The following GRIK2 variants were observed in gnomAD, a reference collection of about 807,000 sequenced individuals.
GRIK2 encodes the protein glutamate receptor ionotropic, kainate 2.
GRIK2 carries 32 observed loss-of-function variants against 100.3 expected under a neutral mutation model. The ratio of observed to expected loss-of-function variants is 0.32; its 90% CI spans 0.24 to 0.43. GRIK2 has a LOEUF of 0.43. GRIK2 is among the 20% of genes least tolerant of loss of function. The pLI, the probability that GRIK2 is intolerant of heterozygous loss-of-function variation, is 1.00. For synonymous variants in GRIK2, 417 were observed against 389.4 expected, an observed-to-expected ratio of 1.07 and a Z score of -0.83; for missense variants, 843 against 1,114.9, an observed-to-expected ratio of 0.76 and a Z score of 3.47.
chr6:101,925,911 AACT>A (rs1789857386), intron 13 of GRIK2, among the ~76,000 whole-genome samples: 1 of 152,006 alleles, frequency 6.6e-6, no homozygotes, highest in South Asian at 2.1e-4. Flanking sequence ...GAAAATACAT[AACT>A]ACATGTCAAA....
intron 7 of GRIK2, among the ~76,000 whole-genome samples, chr6:101,775,086 T>G (rs1490487225): frequency 6.6e-6 from 1 of 152,074 alleles, no homozygotes; most frequent in African/African-American, 2.4e-5. Flanking sequence ...TTTGAAAGAA[T>G]GAAAGCCCGT....
At chr6:101,964,178 T>A (rs972803027) in intron 14 of GRIK2, among the ~76,000 whole-genome samples, 1 of 150,836 alleles carries the variant, frequency 6.6e-6, no homozygotes, top group Admixed American at 6.6e-5. Context: ...ATACATACTA[T>A]ATCATTACAC....
At chr6:101,469,919 C>A (rs962921093) in intron 2 of GRIK2, among the ~76,000 whole-genome samples, 15 of 152,100 alleles carry the variant, frequency 9.9e-5, no homozygotes, top group African/African-American at 3.4e-4. Flanking sequence ...GAGGTGAGGG[C>A]AGGAGCCCTC....
At chr6:101,550,536 G>A (rs766796819) in intron 2 of GRIK2, among the ~76,000 whole-genome samples, 4 of 152,172 alleles carry the variant, frequency 2.6e-5, no homozygotes, top group Non-Finnish European at 5.9e-5. Context: ...TAATGTCATT[G>A]AGTAGGTCCT....
chr6:101,794,787 C>T (rs1780173351), intron 7 of GRIK2, among the ~76,000 whole-genome samples: 1 of 151,568 alleles, frequency 6.6e-6, no homozygotes, highest in South Asian at 2.1e-4. Context: ...TGTCATACTT[C>T]CTGGATTTTT....
chr6:101,507,083 C>A (rs1451322706), intron 2 of GRIK2, among the ~76,000 whole-genome samples: 1 of 152,014 alleles, frequency 6.6e-6, no homozygotes, highest in Non-Finnish European at 1.5e-5. Context: ...GTTTCCTTTT[C>A]CATGGACTTT....
At chr6:101,760,123 C>T (rs762799507) in intron 7 of GRIK2, among the ~76,000 whole-genome samples, 22 of 145,480 alleles carry the variant, frequency 1.5e-4, no homozygotes, top group African/African-American at 5.9e-4. Flanking sequence ...CCCGCCTCGG[C>T]CTCCCAAAGT....
chr6:101,917,704 T>C (rs1789210173), intron 12 of GRIK2, among the ~76,000 whole-genome samples: 3 of 151,522 alleles, frequency 2.0e-5, no homozygotes, highest in Admixed American at 6.6e-5. Context: ...CAAATAGTAA[T>C]CATCCTTCAA....
chr6:101,831,391 G>A (rs1312976313), intron 10 of GRIK2, among the ~76,000 whole-genome samples: 1 of 151,886 alleles, frequency 6.6e-6, no homozygotes, highest in Non-Finnish European at 1.5e-5. Flanking sequence ...GTTCTTCCTG[G>A]TATTCTCACT....
intron 15 of GRIK2, among the ~76,000 whole-genome samples, chr6:102,045,368 A>G (rs1175794241): frequency 1.3e-5 from 2 of 152,074 alleles, no homozygotes; most frequent in African/African-American, 4.8e-5. Flanking sequence ...CCTTTTTCTT[A>G]CTTCTCTCTC....
intron 2 of GRIK2, among the ~76,000 whole-genome samples, chr6:101,543,803 A>G (rs973780107): frequency 2.0e-5 from 3 of 152,216 alleles, no homozygotes; most frequent in African/African-American, 7.2e-5. Context: ...CCCAAAGCCA[A>G]TGCTACATAC....
intron 14 of GRIK2, among the ~76,000 whole-genome samples, chr6:102,004,509 G>A (rs1212597563): frequency 6.6e-6 from 1 of 151,706 alleles, no homozygotes; most frequent in Non-Finnish European, 1.5e-5. Context: ...TTTTGAAAAT[G>A]TTTCTATACC....
intron 2 of GRIK2, among the ~76,000 whole-genome samples, chr6:101,534,621 AT>A (rs1488390208): frequency 1.3e-5 from 2 of 151,828 alleles, no homozygotes; most frequent in Non-Finnish European, 2.9e-5. Flanking sequence ...TATAAGGGCT[AT>A]TTTTAACAAA....
At chr6:101,934,434 G>T (rs746241461) in intron 14 of GRIK2, among the ~76,000 whole-genome samples, 5 of 151,844 alleles carry the variant, frequency 3.3e-5, no homozygotes, top group Admixed American at 6.6e-5. Flanking sequence ...ATTAAGTTAT[G>T]CTGGGGTGAT....
At position 101,682,616 on chromosome 6, in the gene GRIK2, T is replaced by A. The variant is rs760582605; in HGVS notation, c.777+10T>A. 33 of 1,098,474 alleles carry A rather than the reference T, an allele frequency of 3.0e-5. No individual in the cohort carries two copies. The South Asian group carries it at 3.8e-4, about 13-fold the overall frequency. The allele number at this position is 1,098,474 out of a possible 1,614,324, so 68.0% of individuals were successfully genotyped here. A position where few individuals can be genotyped will look rare whatever the true frequency, so the allele number is the denominator to read the frequency against. Reference sequence around the variant, plus strand: ...TATCTTTACCACTCTGGTAAGTACTTCATTAAAACAAAATGTTCTGAATTT... The same window carrying A: ...TATCTTTACCACTCTGGTAAGTACTACATTAAAACAAAATGTTCTGAATTT... On this transcript the variant is annotated intron_variant, in intron 6 of 16. Coordinates refer to ENST00000369134, the MANE Select transcript of GRIK2 (RefSeq NM_021956.5).
intron 2 of GRIK2, among the ~76,000 whole-genome samples, chr6:101,452,973 A>T (rs1770793009): frequency 6.6e-6 from 1 of 151,850 alleles, no homozygotes; most frequent in South Asian, 2.1e-4. Flanking sequence ...TGCATCTTTC[A>T]GTTACTATAA....
chr6:101,493,748 A>G (rs574312629), intron 2 of GRIK2, among the ~76,000 whole-genome samples: 3 of 151,370 alleles, frequency 2.0e-5, no homozygotes, highest in East Asian at 1.9e-4. Context: ...TAAAAACATT[A>G]TATATTATTG....
In GRIK2 at chr6:101,818,407, C is replaced by T; in HGVS notation, c.1241C>T (p.Thr414Ile). The change falls in exon 10 of 17, where the codon ACA becomes ATA. Residue 414 changes from threonine to isoleucine, a missense_variant. By Grantham distance (89) the Thr-to-Ile change is moderately conservative. Transcript: ENST00000369134. ...GATCCAGCCAGTGGCCTGAATATGA[C>T]AGAAAGTCAAAAGGGAAAGCCAGCG... ...TWDPASGLNMTESQKGKPANI... is the reference protein window; with the variant it reads ...TWDPASGLNMIESQKGKPANI... 2 of 1,611,046 alleles carry T rather than the reference C, an allele frequency of 1.2e-6. No individual in the cohort carries two copies. Among genetic ancestry groups the T allele is most frequent in the Non-Finnish European group, 1.7e-6 (2 of 1,177,340 alleles).
chr6:102,003,371 T>C (rs1372828336), intron 14 of GRIK2, among the ~76,000 whole-genome samples: 1 of 151,706 alleles, frequency 6.6e-6, no homozygotes, highest in Non-Finnish European at 1.5e-5. Context: ...GCTATTTACT[T>C]CCTGGAATCA....
Sources: gnomAD v4.1 joint callset for allele counts (sites outside exome capture counted in the v4.1 genomes callset) on GRCh38, gnomAD v4.1.1 for gene constraint, MANE v1.5 for transcripts, NCBI Gene and HGNC (gene_info 2026-07-23, HGNC 2026-07-21) for gene names.